Variants in PCP4L1 observed in about 807,000 individuals in gnomAD.
PCP4L1 encodes Purkinje cell protein 4 like 1, also known as Purkinje cell protein 4-like protein 1.
In PCP4L1, 9 loss-of-function variants were observed where a neutral mutation model predicts 9.6. That is an observed-to-expected ratio of 0.94 (90% confidence interval 0.57 to 1.64). The LOEUF is 1.64. PCP4L1 is among the 40% of genes most tolerant of loss of function. The pLI, the probability that PCP4L1 is intolerant of heterozygous loss-of-function variation, is 0.00. For missense variants in PCP4L1, 81 were observed against 80.8 expected (o/e 1.00, Z -0.01); for synonymous variants, 31 against 28.2 (o/e 1.10, Z -0.31).
chr1:161,271,431 T>A (rs986028465), intron 1 of PCP4L1, among the ~76,000 whole-genome samples: 1 of 152,232 alleles, frequency 6.6e-6, no homozygotes, highest in Admixed American at 6.5e-5. Context: ...TTTCAATACT[T>A]ATTCTGGATG....
intron 1 of PCP4L1, among the ~76,000 whole-genome samples, chr1:161,264,696 G>T (rs1669500432): frequency 6.6e-6 from 1 of 152,034 alleles, no homozygotes; most frequent in Non-Finnish European, 1.5e-5. Flanking sequence ...GGGCATGGTG[G>T]CACATGCCTG....
At chr1:161,274,862 T>C (rs4657005) in intron 1 of PCP4L1, among the ~76,000 whole-genome samples, 68,952 of 151,648 alleles carry the variant, frequency 0.45, 16,030 homozygotes, top group East Asian at 0.64. Flanking sequence ...CCCCTTTCAG[T>C]GGAAGGTAAA....
intron 1 of PCP4L1, among the ~76,000 whole-genome samples, chr1:161,283,184 C>T (rs1669852114): frequency 6.6e-6 from 1 of 152,164 alleles, no homozygotes; most frequent in South Asian, 2.1e-4. Context: ...CACTTCCAAC[C>T]CAGAGCCCTT....
intron 1 of PCP4L1, among the ~76,000 whole-genome samples, 193 bp downstream of exon 1, chr1:161,259,176 A>C (rs367915223): frequency 6.6e-6 from 1 of 152,100 alleles, no homozygotes; most frequent in Non-Finnish European, 1.5e-5. Flanking sequence ...GGGTGCTTTC[A>C]GTCTCCCTAC....
intron 1 of PCP4L1, among the ~76,000 whole-genome samples, chr1:161,262,186 A>C (rs1669427722): frequency 1.3e-5 from 2 of 152,176 alleles, no homozygotes; most frequent in South Asian, 4.2e-4. Flanking sequence ...TGTAATCCCA[A>C]CACTTGGGGA....
chr1:161,280,189 A>C (rs1669771072), intron 1 of PCP4L1, among the ~76,000 whole-genome samples: 2 of 152,096 alleles, frequency 1.3e-5, no homozygotes, highest in Non-Finnish European at 2.9e-5. Context: ...TGACCTTGTT[A>C]CATATTTTAC....
At chr1:161,264,241 T>A (rs1669469176) in intron 1 of PCP4L1, among the ~76,000 whole-genome samples, 1 of 151,360 alleles carries the variant, frequency 6.6e-6, no homozygotes, top group Non-Finnish European at 1.5e-5. Context: ...AAATATAGGC[T>A]GGGCACTGTG....
chr1:161,271,733 A>T (rs1233576741), intron 1 of PCP4L1, among the ~76,000 whole-genome samples: 2 of 152,052 alleles, frequency 1.3e-5, no homozygotes, highest in Non-Finnish European at 2.9e-5. Context: ...CCAATGCCTG[A>T]CCTCATGATC....
At chr1:161,261,520 T>C (rs1669416913) in intron 1 of PCP4L1, among the ~76,000 whole-genome samples, 1 of 152,246 alleles carries the variant, frequency 6.6e-6, no homozygotes, top group Admixed American at 6.5e-5. Flanking sequence ...CTATCTCCTG[T>C]GGTTTAATAA....
chr1:161,268,269 A>G (rs6427581), intron 1 of PCP4L1, among the ~76,000 whole-genome samples: 43,201 of 151,952 alleles, frequency 0.28, 6,315 homozygotes, highest in East Asian at 0.42. Context: ...AAGGGGAAAA[A>G]AAAAAGTATT....
intron 1 of PCP4L1, among the ~76,000 whole-genome samples, chr1:161,271,295 A>G (rs540969517): frequency 5.6e-4 from 86 of 152,290 alleles, no homozygotes; most frequent in Non-Finnish European, 9.7e-4. Context: ...GCATTTCCCA[A>G]ATGATGATGA....
Position 161,258,748 on chromosome 1 carries a change from C to A in PCP4L1, c.-227C>A, listed in dbSNP as rs754145173. The A allele has an allele frequency of 1.4e-5, 9 of 634,108 alleles. No homozygotes were observed. The Admixed American group carries it at 2.3e-4, about 16-fold the overall frequency. The allele number at this position is 634,108 out of a possible 1,614,324, so 39.3% of individuals were successfully genotyped here. A position where few individuals can be genotyped will look rare whatever the true frequency, so the allele number is the denominator to read the frequency against. On this transcript the variant is annotated 5_prime_UTR_variant, in exon 1 of 3. Transcript: ENST00000504449. ...GTGGGGCCGGAGGCGGCGAGCTGAG[C>A]GGCTCTGACAGGACGGGTCGCAGGG... is the stretch of plus-strand genomic sequence containing the variant.
chr1:161,272,490 G>A (rs927098588), intron 1 of PCP4L1, among the ~76,000 whole-genome samples: 43 of 150,904 alleles, frequency 2.8e-4, no homozygotes, highest in Middle Eastern at 6.8e-3. Context: ...CCCTGGAGGC[G>A]GAGGTTGCAG....
At chr1:161,269,683 A>G (rs1345824109) in intron 1 of PCP4L1, among the ~76,000 whole-genome samples, 1 of 152,144 alleles carries the variant, frequency 6.6e-6, no homozygotes, top group Non-Finnish European at 1.5e-5. Context: ...AGGCTGAACA[A>G]TGTAGAGCCT....
chr1:161,264,733 G>A lies in PCP4L1; in HGVS notation c.9+5750G>A, dbSNP rs563078964. 1.6e-4 allele frequency among the ~76,000 whole-genome samples: 24 copies of A among 152,072 alleles called. 1 individual carries two copies. The South Asian group carries it at 4.8e-3, about 30-fold the overall frequency. On this transcript the variant is annotated intron_variant, in intron 1 of 2. Transcript: ENST00000504449. ...GATCCCAGTTACGTGGGAGGCTGAAGTAGGAGGATCTCTTGAGCCTGGGAG... is the reference window on the plus strand; with the variant it reads ...GATCCCAGTTACGTGGGAGGCTGAAATAGGAGGATCTCTTGAGCCTGGGAG...
chr1:161,282,172 G>C (rs909744438), intron 1 of PCP4L1, among the ~76,000 whole-genome samples: 1 of 152,108 alleles, frequency 6.6e-6, no homozygotes, highest in Non-Finnish European at 1.5e-5. Flanking sequence ...ATCACTCGCG[G>C]TTAGGAGCTG....
intron 1 of PCP4L1, among the ~76,000 whole-genome samples, chr1:161,280,643 C>T (rs1377038646): frequency 6.6e-6 from 1 of 152,140 alleles, no homozygotes; most frequent in Non-Finnish European, 1.5e-5. Context: ...CCAGTGATCT[C>T]CCCATAGCAA....
chr1:161,283,283 G>A (rs1231847449), intron 1 of PCP4L1, among the ~76,000 whole-genome samples: 1 of 152,178 alleles, frequency 6.6e-6, no homozygotes, highest in Non-Finnish European at 1.5e-5. Flanking sequence ...GGCTGTTCCT[G>A]ACTACTCTAT....
chr1:161,258,971 G>C lies in PCP4L1; in HGVS notation c.-4G>C. Reference sequence around the variant, plus strand: ...CGCCTCGCGCGCCCTGTCCGGCTGCGGAGATGAGCGAGGTGAGCGGTGCGG... The same window carrying C: ...CGCCTCGCGCGCCCTGTCCGGCTGCCGAGATGAGCGAGGTGAGCGGTGCGG... On this transcript the variant is annotated 5_prime_UTR_variant, in exon 1 of 3. Coordinates refer to ENST00000504449, the MANE Select transcript of PCP4L1 (RefSeq NM_001102566.2). The C allele has an allele frequency of 3.3e-6, 5 of 1,534,166 alleles. No homozygotes were observed. The highest frequency in any genetic ancestry group is 4.4e-6 in the Non-Finnish European group (5 of 1,145,894).
Sources: gnomAD v4.1 joint callset for allele counts (sites outside exome capture counted in the v4.1 genomes callset) on GRCh38, gnomAD v4.1.1 for gene constraint, MANE v1.5 for transcripts, NCBI Gene and HGNC (gene_info 2026-07-23, HGNC 2026-07-21) for gene names.